The following EPC1 variants were observed in gnomAD, a reference collection of about 807,000 sequenced individuals.
The protein encoded by EPC1 is enhancer of polycomb homolog 1.
EPC1 carries 12 observed loss-of-function variants against 98.4 expected under a neutral mutation model. That is an observed-to-expected ratio of 0.12 (90% CI 0.08 to 0.20). The LOEUF is 0.20. EPC1 is among the 10% of genes least tolerant of loss of function. EPC1 has a pLI of 1.00. For synonymous variants in EPC1, 357 were observed against 363.9 expected, an observed-to-expected ratio of 0.98 and a Z score of 0.21; for missense variants, 729 against 990.5, an observed-to-expected ratio of 0.74 and a Z score of 3.54.
chr10:32,370,627 A>G (rs978296622), intron 1 of EPC1, among the ~76,000 whole-genome samples: 1 of 152,194 alleles, frequency 6.6e-6, no homozygotes, highest in Non-Finnish European at 1.5e-5. Flanking sequence ...ACCCAGAATC[A>G]TTCTAGACCA....
intron 1 of EPC1, among the ~76,000 whole-genome samples, chr10:32,361,577 A>G (rs1427677607): frequency 1.3e-5 from 2 of 152,170 alleles, no homozygotes; most frequent in Non-Finnish European, 2.9e-5. Flanking sequence ...CTTCCTGCTT[A>G]GTCATTTAGA....
intron 2 of EPC1, among the ~76,000 whole-genome samples, chr10:32,304,699 C>A (rs1441999962): frequency 1.3e-5 from 2 of 151,974 alleles, no homozygotes; most frequent in Non-Finnish European, 2.9e-5. Context: ...GCGGGCGGAT[C>A]ACCTGAGGAC....
chr10:32,325,130 GTTT>G (rs1399769576), intron 1 of EPC1, among the ~76,000 whole-genome samples: 1 of 152,158 alleles, frequency 6.6e-6, no homozygotes, highest in East Asian at 1.9e-4. Context: ...ACTTAAGGAC[GTTT>G]TATGATAAAT....
At chr10:32,346,709 G>A in intron 1 of EPC1, 54 bp downstream of exon 1, 2 of 1,547,510 alleles carry the variant, frequency 1.3e-6, no homozygotes, top group African/African-American at 1.4e-5. Context: ...CGCCGCCGCA[G>A]GCAGCAGAGG....
At chr10:32,358,501 A>C (rs569387046) in intron 1 of EPC1, among the ~76,000 whole-genome samples, 4 of 151,882 alleles carry the variant, frequency 2.6e-5, no homozygotes, top group Non-Finnish European at 5.9e-5. Context: ...AAAATTAGCC[A>C]GGGTGTGGTG....
intron 1 of EPC1, among the ~76,000 whole-genome samples, chr10:32,316,719 G>A (rs1836572253): frequency 6.6e-6 from 1 of 152,146 alleles, no homozygotes; most frequent in Non-Finnish European, 1.5e-5. Flanking sequence ...CTATCTTGAT[G>A]GGGGGCTGAG....
At chr10:32,313,841 G>A (rs1412854651) in intron 1 of EPC1, among the ~76,000 whole-genome samples, 8 of 151,828 alleles carry the variant, frequency 5.3e-5, no homozygotes, top group Admixed American at 1.3e-4. Flanking sequence ...AGCTGAGATC[G>A]CGCCACTGCA....
chr10:32,376,144 G>T (rs939815732), intron 1 of EPC1, among the ~76,000 whole-genome samples: 1 of 151,928 alleles, frequency 6.6e-6, no homozygotes, highest in Non-Finnish European at 1.5e-5. Context: ...ATATATGAAG[G>T]ATTTTTAAAA....
At chr10:32,362,320 T>G (rs12261781) in intron 1 of EPC1, among the ~76,000 whole-genome samples, 25,043 of 151,530 alleles carry the variant, frequency 0.17, 2,308 homozygotes, top group South Asian at 0.29. Flanking sequence ...ATGTTGGAGG[T>G]GGGGTCCGGT....
chr10:32,358,990 G>A (rs1839364442), intron 1 of EPC1, among the ~76,000 whole-genome samples: 1 of 152,136 alleles, frequency 6.6e-6, no homozygotes, highest in African/African-American at 2.4e-5. Flanking sequence ...TAGGCTCAGG[G>A]AAGTCCTGCA....
At chr10:32,282,082 G>T (rs1337487115) in intron 10 of EPC1, 2 of 151,972 alleles carry the variant, frequency 1.3e-5, no homozygotes, top group African/African-American at 2.4e-5. Flanking sequence ...AAAGCTTTAG[G>T]TCTCTGGAAT....
chr10:32,366,711 C>T (rs1839613974), intron 1 of EPC1, among the ~76,000 whole-genome samples: 1 of 152,064 alleles, frequency 6.6e-6, no homozygotes, highest in African/African-American at 2.4e-5. Flanking sequence ...AAAAGCAGCA[C>T]ACAGAGTGCA....
At chr10:32,306,174 A>T (rs73245690) in intron 1 of EPC1, among the ~76,000 whole-genome samples, 7,977 of 152,284 alleles carry the variant, frequency 0.052, 663 homozygotes, top group African/African-American at 0.18. Context: ...GCCAAAACAG[A>T]ATTATATAAA....
At chr10:32,378,136 G>C (rs956536658) in intron 1 of EPC1, among the ~76,000 whole-genome samples, 2 of 152,010 alleles carry the variant, frequency 1.3e-5, no homozygotes, top group Non-Finnish European at 2.9e-5. Context: ...GCTGATAATT[G>C]AGTCCTGGAC....
chr10:32,351,455 A>C (rs1047491413), upstream of EPC1, among the ~76,000 whole-genome samples: 2 of 151,950 alleles, frequency 1.3e-5, no homozygotes, highest in Non-Finnish European at 2.9e-5. Flanking sequence ...TCAGGAGTTC[A>C]CGACCAGCCT....
At chr10:32,369,445 C>A (rs1839688512) in intron 1 of EPC1, among the ~76,000 whole-genome samples, 1 of 152,064 alleles carries the variant, frequency 6.6e-6, no homozygotes, top group Non-Finnish European at 1.5e-5. Flanking sequence ...GCTCAGTACA[C>A]CCCATCAGTG....
chr10:32,337,482 A>G (rs1319196505), intron 1 of EPC1, among the ~76,000 whole-genome samples: 2 of 152,158 alleles, frequency 1.3e-5, no homozygotes, highest in African/African-American at 2.4e-5. Context: ...CTCTGCTCCA[A>G]AGTCACTTAG....
chr10:32,318,729 C>T (rs1836702737), intron 1 of EPC1, among the ~76,000 whole-genome samples: 2 of 152,188 alleles, frequency 1.3e-5, no homozygotes, highest in African/African-American at 4.8e-5. Flanking sequence ...ATTTCCAAAT[C>T]AGGCACAGAT....
intron 1 of EPC1, among the ~76,000 whole-genome samples, chr10:32,327,864 G>T (rs117779936): frequency 9.5e-4 from 145 of 152,322 alleles, no homozygotes; most frequent in South Asian, 1.4e-3. Flanking sequence ...TCTGTGATCT[G>T]TTGACTGAAA....
Sources: gnomAD v4.1 joint callset for allele counts (sites outside exome capture counted in the v4.1 genomes callset) on GRCh38, gnomAD v4.1.1 for gene constraint, MANE v1.5 for transcripts, NCBI Gene and HGNC (gene_info 2026-07-23, HGNC 2026-07-21) for gene names.